Variants in CDH4 observed in about 807,000 individuals in gnomAD.
The protein encoded by CDH4 is cadherin-4.
A neutral mutation model predicts 86.0 loss-of-function variants in CDH4; 33 were observed. The ratio of observed to expected loss-of-function variants is 0.38; its 90% CI spans 0.29 to 0.51. CDH4 has a LOEUF of 0.51. Ranked by LOEUF, CDH4 falls within the 20% of genes least tolerant of loss-of-function variation. The probability of loss-of-function intolerance (pLI) is 0.86; values close to 1 mark genes in which losing one functional copy is unlikely to be tolerated. For missense variants in CDH4, 1,114 were observed against 1,307.4 expected, an observed-to-expected ratio of 0.85 and a Z score of 2.28; for synonymous variants, 555 against 549.4, an observed-to-expected ratio of 1.01 and a Z score of -0.14.
chr20:61,777,759 C>A (rs60762900), intron 4 of CDH4, among the ~76,000 whole-genome samples: 1 of 72,978 alleles, frequency 1.4e-5, no homozygotes, highest in East Asian at 7.4e-4. Context: ...CACATGCGCA[C>A]ACACGTGCAT....
intron 2 of CDH4, among the ~76,000 whole-genome samples, chr20:61,475,887 A>G (rs917877221): frequency 3.3e-5 from 5 of 151,972 alleles, no homozygotes; most frequent in Non-Finnish European, 5.9e-5. Context: ...TTTCTTGCAC[A>G]GTATGGTTTT....
At chr20:61,622,000 C>T (rs190939754) in intron 2 of CDH4, among the ~76,000 whole-genome samples, 9 of 152,352 alleles carry the variant, frequency 5.9e-5, no homozygotes, top group Admixed American at 3.9e-4. Flanking sequence ...CAGGTCCCAG[C>T]AGCCGGTTGT....
rs901662821 is a variant in CDH4, at chr20:61,939,616, G to C, written c.*2673G>C. On this transcript the variant is annotated 3_prime_UTR_variant, in exon 16 of 16. Coordinates refer to ENST00000614565, the MANE Select transcript of CDH4 (RefSeq NM_001794.5). The stretch of plus-strand genomic sequence containing the variant: ...GTTAGCTAAGCATACAATCAGTGTC[G>C]AACGTCTCTCTTCCTTAAGCTTGTA... 1.3e-5 allele frequency: 2 copies of C among 152,294 alleles called. No individual in the cohort carries two copies. Among genetic ancestry groups the C allele is most frequent in the Non-Finnish European group, 2.9e-5 (2 of 68,072 alleles). The allele number at this position is 152,294 out of a possible 1,614,324, so 9.4% of individuals were successfully genotyped here.
chr20:61,854,853 CAG>C (rs1423051463), intron 6 of CDH4, among the ~76,000 whole-genome samples: 1 of 144,366 alleles, frequency 6.9e-6, no homozygotes, highest in Admixed American at 6.9e-5. Flanking sequence ...GCAGTGTGAA[CAG>C]GGTGAATTGT....
intron 2 of CDH4, among the ~76,000 whole-genome samples, chr20:61,476,504 A>C (rs1007924307): frequency 2.6e-5 from 4 of 152,206 alleles, no homozygotes; most frequent in Non-Finnish European, 5.9e-5. Flanking sequence ...CAACAGTGCT[A>C]TGGGGTAGGT....
intron 2 of CDH4, among the ~76,000 whole-genome samples, chr20:61,558,457 C>A (rs117451777): frequency 1.2e-3 from 180 of 152,244 alleles, no homozygotes; most frequent in Non-Finnish European, 2.2e-3. Context: ...ATTTCTAATG[C>A]AAAGGGGATA....
chr20:61,769,092 C>G (rs1205321706), intron 3 of CDH4, among the ~76,000 whole-genome samples: 2 of 152,152 alleles, frequency 1.3e-5, no homozygotes, highest in African/African-American at 4.8e-5. Context: ...GTGCCAGAGG[C>G]TCCCCTCGCC....
At chr20:61,866,930 A>ACCTCCCAAAGAGGGG (rs1181739156) in intron 6 of CDH4, among the ~76,000 whole-genome samples, 4 of 152,144 alleles carry the variant, frequency 2.6e-5, no homozygotes, top group Non-Finnish European at 4.4e-5. Context: ...ATCCTGAGCC[A>ACCTCCCAAAGAGGGG]CCTCCCAAAG....
chr20:61,782,286 G>A (rs909888524), intron 4 of CDH4, among the ~76,000 whole-genome samples: 2 of 152,176 alleles, frequency 1.3e-5, no homozygotes, highest in African/African-American at 4.8e-5. Flanking sequence ...TGCAGCCTGG[G>A]TGACAGAGTG....
chr20:61,878,741 A>T (rs1984150090), intron 7 of CDH4, among the ~76,000 whole-genome samples: 1 of 152,226 alleles, frequency 6.6e-6, no homozygotes, highest in African/African-American at 2.4e-5. Flanking sequence ...GGGCCCTGGC[A>T]TTGGCCACCC....
intron 2 of CDH4, among the ~76,000 whole-genome samples, chr20:61,533,095 G>A (rs1220451839): frequency 6.6e-6 from 1 of 152,156 alleles, no homozygotes; most frequent in Non-Finnish European, 1.5e-5. Flanking sequence ...GAGGGACCCT[G>A]AGAGTGAAAG....
chr20:61,661,612 A>G (rs749768682), intron 2 of CDH4, among the ~76,000 whole-genome samples: 5 of 151,880 alleles, frequency 3.3e-5, no homozygotes, highest in Non-Finnish European at 7.4e-5. Flanking sequence ...CGTCTTCCCA[A>G]TTAACCCAGG....
chr20:61,565,080 G>GTGGTGGTGGTGGTGCTCT (rs2086256096), intron 2 of CDH4, among the ~76,000 whole-genome samples: 4 of 125,676 alleles, frequency 3.2e-5, no homozygotes, highest in African/African-American at 1.0e-4. Flanking sequence ...GGTGGTGGTG[G>GTGGTGGTGGTGGTGCTCT]TGGTGGTGCT....
intron 2 of CDH4, among the ~76,000 whole-genome samples, chr20:61,320,771 C>T (rs2084503594): frequency 6.6e-6 from 1 of 151,688 alleles, no homozygotes; most frequent in Non-Finnish European, 1.5e-5. Flanking sequence ...GATGAAGAGG[C>T]AGGAAAGGGG....
At chr20:61,539,634 C>T (rs145849948) in intron 2 of CDH4, among the ~76,000 whole-genome samples, 5 of 152,288 alleles carry the variant, frequency 3.3e-5, no homozygotes, top group African/African-American at 7.2e-5. Flanking sequence ...CCTAGGAATC[C>T]GAGTTGAAGT....
Position 61,879,855 on chromosome 20 carries a change from T to C in CDH4, c.1050+5955T>C, listed in dbSNP as rs886309717. Among the ~76,000 whole-genome samples the C allele has an allele frequency of 6.6e-6, 1 of 152,180 alleles. No homozygotes were observed. The highest frequency in any genetic ancestry group is 1.5e-5 in the Non-Finnish European group (1 of 68,032). On this transcript the variant is annotated intron_variant, in intron 7 of 15. Transcript: ENST00000614565. This position sits in a 1 kb window ranked among gnomAD's most constrained non-coding sequence, Gnocchi z 4.1. Reference sequence around the variant, plus strand: ...GCTCCCGAGGATGTTGATTTTGTTATTAGAAACTGAATCCGGCCTTCCGGT... The same window carrying C: ...GCTCCCGAGGATGTTGATTTTGTTACTAGAAACTGAATCCGGCCTTCCGGT...
chr20:61,507,004 AC>A (rs2085745691), intron 2 of CDH4, among the ~76,000 whole-genome samples: 2 of 152,192 alleles, frequency 1.3e-5, no homozygotes, highest in Admixed American at 6.5e-5. Context: ...GTGGCTCGTA[AC>A]CATGGTGGCT....
intron 2 of CDH4, among the ~76,000 whole-genome samples, chr20:61,298,827 T>C (rs1216966012): frequency 6.6e-6 from 1 of 150,520 alleles, no homozygotes; most frequent in Admixed American, 6.6e-5. Context: ...TTTTTTTTCA[T>C]GGTAACCACA....
At chr20:61,312,035 G>T (rs371132380) in intron 2 of CDH4, among the ~76,000 whole-genome samples, 3,471 of 151,992 alleles carry the variant, frequency 0.023, 130 homozygotes, top group African/African-American at 0.08. Flanking sequence ...TTGCATGGGT[G>T]TTGTGTGTGA....
Sources: allele counts gnomAD v4.1 joint callset (sites outside exome capture counted in the v4.1 genomes callset), GRCh38; gene constraint gnomAD v4.1.1; non-coding constraint Gnocchi (gnomAD v3.1); transcripts MANE v1.5; gene names NCBI Gene and HGNC (gene_info 2026-07-23, HGNC 2026-07-21).